Variants in MCPH1 observed in about 807,000 individuals in gnomAD.
MCPH1 encodes microcephalin.
Under a neutral mutation model 84.5 loss-of-function variants are expected in MCPH1, and 104 were observed. That is an observed-to-expected ratio of 1.23 (90% CI 1.05 to 1.45). The LOEUF is 1.45. Among genes scored for constraint, MCPH1 ranks in the 40% most tolerant of loss-of-function variants. The probability of loss-of-function intolerance (pLI) is 0.00; values close to 1 mark genes in which losing one functional copy is unlikely to be tolerated. For missense variants in MCPH1, 1,498 were observed against 1,005.7 expected (o/e 1.49, Z -6.62); for synonymous variants, 514 against 366.8 (o/e 1.40, Z -4.58).
At chr8:6,521,165 T>A in intron 12 of MCPH1, 1 of 1,602,502 alleles carries the variant, frequency 6.2e-7, no homozygotes, top group Non-Finnish European at 8.5e-7. Flanking sequence ...GAAAGCATGA[T>A]ATGTAAACTT....
At chr8:6,557,044 G>A (rs961267597) in intron 12 of MCPH1, among the ~76,000 whole-genome samples, 1 of 152,074 alleles carries the variant, frequency 6.6e-6, no homozygotes, top group African/African-American at 2.4e-5. Context: ...GGGTGGGCGG[G>A]GTCATATGGT....
intron 11 of MCPH1, 170 bp from the exon 12 acceptor site, chr8:6,499,682 T>C (rs1811773327): frequency 5.0e-6 from 3 of 603,516 alleles, no homozygotes; most frequent in East Asian, 2.8e-5. Context: ...TTAATATTCA[T>C]AACATTTATG....
intron 12 of MCPH1, among the ~76,000 whole-genome samples, chr8:6,617,659 T>C (rs932407266): frequency 7.9e-5 from 12 of 151,936 alleles, no homozygotes; most frequent in African/African-American, 1.9e-4. Flanking sequence ...ATTAGAATCA[T>C]TGGTTTTTGT....
chr8:6,521,515 G>A, intron 12 of MCPH1: 1 of 838,106 alleles, frequency 1.2e-6, no homozygotes, highest in African/African-American at 1.7e-5. Flanking sequence ...ATATTGTAGT[G>A]GTTATAAAGT....
chr8:6,486,326 C>G (rs1036644386), intron 11 of MCPH1, among the ~76,000 whole-genome samples: 1 of 151,968 alleles, frequency 6.6e-6, no homozygotes, highest in Non-Finnish European at 1.5e-5. Flanking sequence ...CTCTCGTCCT[C>G]CTCCTTCTAA....
At chr8:6,563,083 T>A in intron 12 of MCPH1, 1 of 833,926 alleles carries the variant, frequency 1.2e-6, no homozygotes, top group Non-Finnish European at 1.8e-6. Flanking sequence ...CTTTTTCCAG[T>A]AGCAAACCTG....
intron 11 of MCPH1, among the ~76,000 whole-genome samples, chr8:6,495,332 C>A (rs1184900942): frequency 6.6e-6 from 1 of 152,154 alleles, no homozygotes; most frequent in East Asian, 1.9e-4. Context: ...CACTAACCTG[C>A]CCCTTGTCAT....
chr8:6,427,743 C>G (rs1801262012), intron 3 of MCPH1, among the ~76,000 whole-genome samples: 1 of 151,710 alleles, frequency 6.6e-6, no homozygotes, highest in African/African-American at 2.4e-5. Context: ...AAAAAAACAC[C>G]TAGGTTATGT....
intron 12 of MCPH1, among the ~76,000 whole-genome samples, chr8:6,528,606 G>A (rs2922887): frequency 6.6e-6 from 1 of 152,128 alleles, no homozygotes; most frequent in African/African-American, 2.4e-5. Flanking sequence ...GCCTTTGTGA[G>A]CTACTGCGTG....
chr8:6,424,231 A>G (rs75901708), intron 3 of MCPH1, among the ~76,000 whole-genome samples: 8,942 of 152,316 alleles, frequency 0.059, 369 homozygotes, highest in Middle Eastern at 0.11. Flanking sequence ...AATAAAGGTC[A>G]GCTTGGCCCC....
chr8:6,547,378 G>A (rs1412939145), intron 12 of MCPH1, among the ~76,000 whole-genome samples: 1 of 152,026 alleles, frequency 6.6e-6, no homozygotes, highest in Admixed American at 6.6e-5. Flanking sequence ...CCTTGCATAT[G>A]TGTCTCTTGC....
intron 6 of MCPH1, among the ~76,000 whole-genome samples, chr8:6,440,529 G>A (rs970874882): frequency 3.9e-5 from 6 of 152,140 alleles, no homozygotes; most frequent in African/African-American, 1.4e-4. Flanking sequence ...CTGGCTTATT[G>A]ATAGATATAG....
At chr8:6,454,644 T>C (rs1805483819) in intron 8 of MCPH1, among the ~76,000 whole-genome samples, 1 of 152,220 alleles carries the variant, frequency 6.6e-6, no homozygotes, top group South Asian at 2.1e-4. Flanking sequence ...GGCAAGACGC[T>C]GGTCTAAGGT....
chr8:6,546,101 A>T (rs1330583190), intron 12 of MCPH1, among the ~76,000 whole-genome samples: 1 of 152,172 alleles, frequency 6.6e-6, no homozygotes, highest in Non-Finnish European at 1.5e-5. Context: ...CTAACATCAC[A>T]TTTCTGGTTG....
At chr8:6,514,214 G>C (rs1340943567) in intron 12 of MCPH1, among the ~76,000 whole-genome samples, 1 of 152,194 alleles carries the variant, frequency 6.6e-6, no homozygotes, top group Non-Finnish European at 1.5e-5. Context: ...GTTTATTTGA[G>C]AGTCTTACTC....
intron 12 of MCPH1, among the ~76,000 whole-genome samples, chr8:6,555,247 C>A (rs1407674713): frequency 1.3e-5 from 2 of 152,050 alleles, no homozygotes; most frequent in African/African-American, 4.8e-5. Flanking sequence ...ACAATCAAAC[C>A]GTTTTCAAAC....
chr8:6,606,959 C>T (rs1183002800), intron 12 of MCPH1, among the ~76,000 whole-genome samples: 1 of 152,208 alleles, frequency 6.6e-6, no homozygotes, highest in Non-Finnish European at 1.5e-5. Flanking sequence ...ACTGTAAGTC[C>T]ATTAAACCTC....
intron 10 of MCPH1, among the ~76,000 whole-genome samples, chr8:6,479,446 T>C (rs1303229168): frequency 9.1e-6 from 1 of 109,608 alleles, no homozygotes; most frequent in Non-Finnish European, 2.1e-5. Context: ...ATTTATTTAT[T>C]TATTTTGAGA....
chr8:6,484,012 G>T (rs906051266), intron 11 of MCPH1, among the ~76,000 whole-genome samples: 2 of 152,114 alleles, frequency 1.3e-5, no homozygotes, highest in African/African-American at 4.8e-5. Context: ...AAATGATCTT[G>T]GTGTAGGCAA....
Sources: allele counts gnomAD v4.1 joint callset (sites outside exome capture counted in the v4.1 genomes callset), GRCh38; gene constraint gnomAD v4.1.1; transcripts MANE v1.5; gene names NCBI Gene and HGNC (gene_info 2026-07-23, HGNC 2026-07-21).